Variants in ABI3BP observed in about 807,000 individuals in gnomAD.
ABI3BP encodes target of Nesh-SH3.
ABI3BP carries 216 observed loss-of-function variants against 268.6 expected under a neutral mutation model. That is an observed-to-expected ratio of 0.80 (90% CI 0.72 to 0.90). The LOEUF (loss-of-function observed/expected upper bound fraction) is 0.90. ABI3BP is among the 40% of genes least tolerant of loss of function. The pLI, the probability that ABI3BP is intolerant of heterozygous loss-of-function variation, is 0.00. For synonymous variants in ABI3BP, 730 were observed against 730.0 expected (o/e 1.00, Z 0.00); for missense variants, 2,090 against 2,182.4 (o/e 0.96, Z 0.84).
At position 100,752,939 on chromosome 3, in the gene ABI3BP, T is replaced by C. The variant is rs1167234921; in HGVS notation, c.4970A>G (p.Asp1657Gly). 1.2e-6 allele frequency: 2 copies of C among 1,611,250 alleles called. No individual in the cohort carries two copies. Among genetic ancestry groups the C allele is most frequent in the South Asian group, 2.2e-5 (2 of 90,816 alleles). ...RVSEPVSAGR[D>G]AIWTERPFNS... The stretch of plus-strand genomic sequence containing the variant: ...AAAGGGTCTTTCAGTCCAGATGGCA[T>C]CTCTTCCTGCTACAAAAGGAAAATA... Residue 1657 changes from aspartate (D) to glycine (G), a missense_variant, in exon 66 of 68, where the codon GAT becomes GGT. Asp to Gly is a moderately conservative substitution (Grantham distance 94, BLOSUM62 -1). Coordinates refer to ENST00000471714, the MANE Select transcript of ABI3BP (RefSeq NM_001375547.2).
intron 64 of ABI3BP, among the ~76,000 whole-genome samples, 194 bp downstream of exon 64, chr3:100,754,418 A>T (rs2095510353): frequency 6.6e-6 from 1 of 152,178 alleles, no homozygotes; most frequent in South Asian, 2.1e-4. Flanking sequence ...AATTAAACTG[A>T]TGTGTCTTTA....
Position 100,823,352 on chromosome 3 carries a change from G to A in ABI3BP, c.2803+106C>T, listed in dbSNP as rs1255370880. 5.3e-6 allele frequency: 5 copies of A among 942,530 alleles called. No homozygotes were observed. In the East Asian group the frequency reaches 1.4e-4, roughly 26 times the overall value. 58.4% of individuals were successfully genotyped at this position (942,530 alleles called of 1,614,324 possible). On this transcript the variant is annotated intron_variant, in intron 37 of 67. Transcript: ENST00000471714. ...TAAGAGTCTTATAATTTCAAGAAGA[G>A]TTGAATGGCCATCAAGAATGACACT...
chr3:100,823,603 A>G, intron 36 of ABI3BP, 89 bp from the exon 37 acceptor site: 1 of 967,176 alleles, frequency 1.0e-6, no homozygotes. Flanking sequence ...CTGGTATGTC[A>G]ATTCTTCCAG....
At chr3:100,822,551 G>A (rs932624629) in intron 38 of ABI3BP, 38 bp downstream of exon 38, 9 of 1,509,522 alleles carry the variant, frequency 6.0e-6, no homozygotes, top group Non-Finnish European at 6.2e-6. Context: ...ACTGGCTTAG[G>A]CTGCAGGGAC....
At chr3:100,769,210 G>C (rs2096456234) in intron 62 of ABI3BP, among the ~76,000 whole-genome samples, 1 of 152,144 alleles carries the variant, frequency 6.6e-6, no homozygotes, top group African/African-American at 2.4e-5. Flanking sequence ...TTTAAATACG[G>C]ACTAGGTGAA....
intron 6 of ABI3BP, among the ~76,000 whole-genome samples, chr3:100,879,934 C>A (rs1047533585): frequency 2.6e-5 from 4 of 152,156 alleles, no homozygotes; most frequent in African/African-American, 9.7e-5. Context: ...CAATGTGAAT[C>A]CTCTCCTATG....
rs549283218 is a variant in ABI3BP at position 100,963,844 on chromosome 3, G to C, written c.79+29462C>G. ...ATGAAGCCATTCACTAACCAGCCCT[G>C]AAAGTCCTCAGTTAGTTAACACTCA... On this transcript the variant is annotated intron_variant, in intron 1 of 67. Coordinates refer to ENST00000471714, the MANE Select transcript of ABI3BP (RefSeq NM_001375547.2). Among the ~76,000 whole-genome samples, 7 of 152,272 alleles carry C rather than the reference G, an allele frequency of 4.6e-5. No individual in the cohort carries two copies. In the South Asian group the frequency reaches 1.4e-3, roughly 32 times the overall value.
At chr3:100,880,884 T>C (rs1278229474) in intron 6 of ABI3BP, among the ~76,000 whole-genome samples, 1 of 152,186 alleles carries the variant, frequency 6.6e-6, no homozygotes, top group African/African-American at 2.4e-5. Context: ...ATATTAGTAT[T>C]GTAGGTTTAA....
At chr3:100,886,670 G>A (rs1040703946) in intron 4 of ABI3BP, among the ~76,000 whole-genome samples, 1 of 151,870 alleles carries the variant, frequency 6.6e-6, no homozygotes, top group East Asian at 1.9e-4. Flanking sequence ...TATACATAGA[G>A]TAGAACATAG....
intron 62 of ABI3BP, among the ~76,000 whole-genome samples, chr3:100,768,083 GTT>G (rs11371725): frequency 1.8e-5 from 2 of 108,718 alleles, no homozygotes; most frequent in Admixed American, 1.1e-4. Context: ...TTTGGCTCAA[GTT>G]TTTTTTTTTT....
chr3:100,843,864 TTTGCTACTCA>T, intron 20 of ABI3BP: 1 of 984,954 alleles, frequency 1.0e-6, no homozygotes, highest in Non-Finnish European at 1.2e-6. Context: ...AAAAATAAAA[TTTGCTACTCA>T]TTGCATCTTT....
chr3:100,954,479 A>T (rs2153788789), intron 1 of ABI3BP, among the ~76,000 whole-genome samples: 1 of 152,306 alleles, frequency 6.6e-6, no homozygotes, highest in South Asian at 2.1e-4. Flanking sequence ...ATTTATTTTT[A>T]AAATAGCCGT....
intron 4 of ABI3BP, among the ~76,000 whole-genome samples, chr3:100,893,069 G>C (rs1315107375): frequency 6.6e-6 from 1 of 152,172 alleles, no homozygotes; most frequent in Admixed American, 6.5e-5. Context: ...AGCATAGCTA[G>C]GATAAAGCAG....
intron 4 of ABI3BP, among the ~76,000 whole-genome samples, chr3:100,892,261 G>A (rs953606397): frequency 3.9e-5 from 6 of 152,112 alleles, no homozygotes; most frequent in South Asian, 4.1e-4. Flanking sequence ...GCATCTCAAG[G>A]TATACTCCAG....
At chr3:100,754,084 G>C (rs2095488050) in intron 64 of ABI3BP, among the ~76,000 whole-genome samples, 1 of 152,210 alleles carries the variant, frequency 6.6e-6, no homozygotes, top group Non-Finnish European at 1.5e-5. Flanking sequence ...TGAGTACTTA[G>C]GAACATTTGT....
intron 63 of ABI3BP, among the ~76,000 whole-genome samples, chr3:100,759,749 T>C (rs746954006): frequency 2.0e-5 from 3 of 152,188 alleles, no homozygotes; most frequent in Non-Finnish European, 4.4e-5. Flanking sequence ...TTCTGCCCCA[T>C]GAAAAGTTGT....
At chr3:100,855,736 G>C (rs2098931975) in intron 14 of ABI3BP, among the ~76,000 whole-genome samples, 1 of 152,176 alleles carries the variant, frequency 6.6e-6, no homozygotes, top group South Asian at 2.1e-4. Flanking sequence ...CACTTGTGTA[G>C]ACATACCCTG....
chr3:100,753,359 C>T (rs2095440528), intron 65 of ABI3BP, among the ~76,000 whole-genome samples: 1 of 151,248 alleles, frequency 6.6e-6, no homozygotes, highest in Admixed American at 6.6e-5. Context: ...GATAATGGCT[C>T]ACTGTAGCAT....
intron 1 of ABI3BP, among the ~76,000 whole-genome samples, chr3:100,987,625 C>A (rs376318922): frequency 3.3e-5 from 5 of 152,126 alleles, no homozygotes; most frequent in African/African-American, 1.2e-4. Context: ...GCTTAATAAT[C>A]TGGGCTTGAT....
Sources: gnomAD v4.1 joint callset for allele counts (sites outside exome capture counted in the v4.1 genomes callset) on GRCh38, gnomAD v4.1.1 for gene constraint, MANE v1.5 for transcripts, NCBI Gene and HGNC (gene_info 2026-07-23, HGNC 2026-07-21) for gene names.